Variants in PGPEP1 observed in about 807,000 individuals in gnomAD.
PGPEP1 encodes pyroglutamyl-peptidase I.
PGPEP1 carries 15 observed loss-of-function variants against 24.1 expected under a neutral mutation model. The observed-to-expected ratio is 0.62, with a 90% CI of 0.42 to 0.96. The LOEUF (loss-of-function observed/expected upper bound fraction) is 0.96. Among genes scored for constraint, PGPEP1 ranks in the 40% least tolerant of loss-of-function variants. The pLI is 0.00. For missense variants in PGPEP1, 242 were observed against 273.4 expected (o/e 0.89, Z 0.81); for synonymous variants, 122 against 116.4 (o/e 1.05, Z -0.31).
chr19:18,360,111 C>A (rs1971301251), intron 4 of PGPEP1, among the ~76,000 whole-genome samples: 2 of 152,098 alleles, frequency 1.3e-5, no homozygotes, highest in South Asian at 4.1e-4. Flanking sequence ...ATTAAGTGAT[C>A]CCCCGCCTCA....
At chr19:18,352,067 C>T (rs1008159188) in intron 2 of PGPEP1, among the ~76,000 whole-genome samples, 5 of 151,544 alleles carry the variant, frequency 3.3e-5, no homozygotes, top group Non-Finnish European at 5.9e-5. Context: ...GTCAGGAGAT[C>T]GAGACCATCC....
intron 2 of PGPEP1, 132 bp downstream of exon 2, chr19:18,343,043 A>G: frequency 1.5e-6 from 1 of 675,494 alleles, no homozygotes; most frequent in Non-Finnish European, 2.6e-6. Flanking sequence ...TCTGTCACCC[A>G]GGCTGGAATG....
In PGPEP1 at chr19:18,357,457, C is replaced by T. The variant is rs1161476087; in HGVS notation, c.279C>T (p.Tyr93=). 1.2e-6 allele frequency: 2 copies of T among 1,614,060 alleles called. No individual in the cohort carries two copies. Among genetic ancestry groups the T allele is most frequent in the Non-Finnish European group, 8.5e-7 (1 of 1,180,002 alleles). The change falls in exon 4 of 5, where the codon TAC becomes TAT. Residue 93 remains tyrosine (Y), a synonymous_variant. Transcript: ENST00000269919. The part of the protein sequence containing the change: ...TLEKCGHNKG[Y]KGLDNCRFCP... ...AGAAATGTGGACACAACAAGGGCTA[C>T]AAGGGGCTGGACAACTGCCGCTTTT...
chr19:18,343,947 G>A (rs1970755865), intron 2 of PGPEP1, among the ~76,000 whole-genome samples: 1 of 151,852 alleles, frequency 6.6e-6, no homozygotes, highest in African/African-American at 2.4e-5. Flanking sequence ...GCCTCCCAAA[G>A]TGCTGGGATT....
At chr19:18,352,430 CAAAA>C (rs368742529) in intron 2 of PGPEP1, among the ~76,000 whole-genome samples, 1 of 137,672 alleles carries the variant, frequency 7.3e-6, no homozygotes, top group South Asian at 2.3e-4. Flanking sequence ...TAATCCATCT[CAAAA>C]AAAAAAAAGA....
intron 4 of PGPEP1, 166 bp downstream of exon 4, chr19:18,357,781 C>T (rs1705375687): frequency 1.1e-5 from 7 of 612,460 alleles, no homozygotes; most frequent in Non-Finnish European, 2.1e-5. Context: ...GTTGGTTCTG[C>T]TCCTGGGACT....
intron 1 of PGPEP1, among the ~76,000 whole-genome samples, chr19:18,341,508 A>G (rs1970670922): frequency 6.6e-6 from 1 of 152,114 alleles, no homozygotes; most frequent in African/African-American, 2.4e-5. Context: ...AATCCAGCAA[A>G]GGTGCACACA....
chr19:18,355,476 G>A (rs899320006), intron 2 of PGPEP1, among the ~76,000 whole-genome samples: 2 of 151,282 alleles, frequency 1.3e-5, no homozygotes, highest in Non-Finnish European at 2.9e-5. Flanking sequence ...GGCTAGACTG[G>A]TCTCGAACTC....
intron 2 of PGPEP1, 92 bp downstream of exon 2, chr19:18,343,003 C>CT (rs35175980): frequency 0.26 from 186,669 of 711,192 alleles, 5,244 homozygotes; most frequent in Non-Finnish European, 0.27. Context: ...TTAACAAAAA[C>CT]TTTTTTTTTT....
chr19:18,361,841 A>T (rs1225184260), intron 4 of PGPEP1: 1 of 985,138 alleles, frequency 1.0e-6, no homozygotes, highest in Non-Finnish European at 1.2e-6. Context: ...CGAAAGTCAC[A>T]CTTACTGAGA....
At chr19:18,351,805 A>G (rs1971033949) in intron 2 of PGPEP1, among the ~76,000 whole-genome samples, 1 of 151,886 alleles carries the variant, frequency 6.6e-6, no homozygotes, top group Non-Finnish European at 1.5e-5. Flanking sequence ...GGGATTTCTC[A>G]GGTGTGTGAA....
intron 1 of PGPEP1, among the ~76,000 whole-genome samples, chr19:18,341,986 C>G (rs983707990): frequency 2.0e-5 from 3 of 151,992 alleles, no homozygotes; most frequent in African/African-American, 7.3e-5. Flanking sequence ...CGGCTCACTG[C>G]AACCTTCGCC....
At position 18,361,832 on chromosome 19, in the gene PGPEP1, G is replaced by A. The variant is rs1313833839; in HGVS notation, c.438-1559G>A. The A allele has an allele frequency of 7.1e-6, 7 of 985,122 alleles. No individual in the cohort carries two copies. The South Asian group carries it at 2.4e-4, about 33-fold the overall frequency. The allele number at this position is 985,122 out of a possible 1,614,324, so 61.0% of individuals were successfully genotyped here. On this transcript the variant is annotated intron_variant, in intron 4 of 4. Transcript: ENST00000269919. ...TTTTACGTGGATGGAGTCACATGGC[G>A]AAAGTCACACTTACTGAGAATTCTC...
chr19:18,357,278 C>T (rs1600217240), intron 3 of PGPEP1, 105 bp from the exon 4 acceptor site: 2 of 756,628 alleles, frequency 2.6e-6, no homozygotes, highest in East Asian at 5.4e-5. Flanking sequence ...ACAACACAAC[C>T]CCAGGCAGAG....
Position 18,367,490 on chromosome 19 carries a change from T to C in PGPEP1, c.*3907T>C, listed in dbSNP as rs939137830. ...CCTGGTACCCTGACCAACTTGATGA[T>C]GGCATCTCTTTTAAGATGCCCAAGT... On this transcript the variant is annotated 3_prime_UTR_variant, in exon 5 of 5. Coordinates refer to ENST00000269919, the MANE Select transcript of PGPEP1 (RefSeq NM_017712.4). 1.3e-5 allele frequency: 2 copies of C among 152,112 alleles called. No individual in the cohort carries two copies. The highest frequency in any genetic ancestry group is 6.6e-5 in the Admixed American group (1 of 15,228). The allele number at this position is 152,112 out of a possible 1,614,324, so 9.4% of individuals were successfully genotyped here.
At chr19:18,359,741 G>A (rs553615708) in intron 4 of PGPEP1, among the ~76,000 whole-genome samples, 29 of 152,048 alleles carry the variant, frequency 1.9e-4, no homozygotes, top group African/African-American at 5.8e-4. Context: ...TCGAACTCCC[G>A]ACCTCAAGTG....
chr19:18,347,254 TTTTC>T (rs1284029166), intron 2 of PGPEP1, among the ~76,000 whole-genome samples: 1 of 117,652 alleles, frequency 8.5e-6, no homozygotes, highest in East Asian at 2.2e-4. Context: ...GCTAATTTTT[TTTTC>T]TTTCTTTCTT....
chr19:18,351,158 G>A (rs188210694), intron 2 of PGPEP1, among the ~76,000 whole-genome samples: 38 of 151,940 alleles, frequency 2.5e-4, no homozygotes, highest in Admixed American at 2.2e-3. Context: ...CCAGCTACTC[G>A]GGAGGCTGAG....
At chr19:18,343,891 C>A (rs1281206502) in intron 2 of PGPEP1, among the ~76,000 whole-genome samples, 1 of 151,872 alleles carries the variant, frequency 6.6e-6, no homozygotes, top group East Asian at 1.9e-4. Context: ...ACCATGATGG[C>A]CAGACTGGTC....
Sources: gnomAD v4.1 joint callset for allele counts (sites outside exome capture counted in the v4.1 genomes callset) on GRCh38, gnomAD v4.1.1 for gene constraint, MANE v1.5 for transcripts, NCBI Gene and HGNC (gene_info 2026-07-23, HGNC 2026-07-21) for gene names.